ERP44: variants seen among roughly 807,000 people sequenced by gnomAD.
ERP44 encodes the protein endoplasmic reticulum resident protein 44.
A neutral mutation model predicts 53.4 loss-of-function variants in ERP44; 25 were observed. That is an observed-to-expected ratio of 0.47 (90% CI 0.34 to 0.65). The LOEUF is 0.65. ERP44 is among the 30% of genes least tolerant of loss of function. The probability of loss-of-function intolerance (pLI) is 0.01; values close to 1 mark genes in which losing one functional copy is unlikely to be tolerated. For synonymous variants in ERP44, 145 were observed against 161.2 expected (o/e 0.90, Z 0.76); for missense variants, 338 against 493.2 (o/e 0.69, Z 2.98).
chr9:99,994,987 C>G (rs1056479752), intron 10 of ERP44, among the ~76,000 whole-genome samples: 9 of 152,092 alleles, frequency 5.9e-5, no homozygotes, highest in African/African-American at 2.2e-4. Flanking sequence ...TATACTTCCT[C>G]GTTTATTTTG....
intron 4 of ERP44, among the ~76,000 whole-genome samples, chr9:100,048,045 AC>A (rs1454053647): frequency 6.6e-6 from 1 of 152,070 alleles, no homozygotes; most frequent in Non-Finnish European, 1.5e-5. Context: ...ACCATCTCAC[AC>A]CCATTAGTAT....
At chr9:100,003,237 T>A (rs1391198029) in intron 10 of ERP44, among the ~76,000 whole-genome samples, 1 of 152,242 alleles carries the variant, frequency 6.6e-6, no homozygotes, top group African/African-American at 2.4e-5. Flanking sequence ...TTGAAGTTCA[T>A]GGATGTTACT....
In ERP44 at chr9:100,098,960, C is replaced by A; in HGVS notation, c.-120G>T. On this transcript the variant is annotated 5_prime_UTR_variant, in exon 1 of 12. Transcript: ENST00000262455. The stretch of plus-strand genomic sequence containing the variant: ...CGGCAGCGGAGGATTCTCCAGGCAG[C>A]GGCACCTCGTCCTCTCGACCCGGGC... 1.3e-6 allele frequency: 1 copy of A among 754,494 alleles called. No individual in the cohort carries two copies. The highest frequency in any genetic ancestry group is 2.4e-5 in the Admixed American group (1 of 41,778). 46.7% of individuals were successfully genotyped at this position (754,494 alleles called of 1,614,324 possible). A position where few individuals can be genotyped will look rare whatever the true frequency, so the allele number is the denominator to read the frequency against.
intron 8 of ERP44, among the ~76,000 whole-genome samples, chr9:100,012,677 G>A (rs929762180): frequency 1.3e-5 from 2 of 152,058 alleles, no homozygotes; most frequent in Non-Finnish European, 2.9e-5. Context: ...TTATTTTTAT[G>A]TACTAAAATG....
intron 1 of ERP44, 36 bp from the exon 2 acceptor site, chr9:100,060,208 T>A: frequency 1.4e-6 from 2 of 1,427,824 alleles, no homozygotes; most frequent in East Asian, 2.7e-5. Flanking sequence ...AATAAATGTG[T>A]CCACAAAAGA....
intron 4 of ERP44, among the ~76,000 whole-genome samples, chr9:100,035,748 C>T (rs1453401243): frequency 2.0e-5 from 3 of 152,086 alleles, no homozygotes; most frequent in South Asian, 2.1e-4. Context: ...TGTGAACAGA[C>T]ACTTTTCAAA....
Position 100,088,879 on chromosome 9 carries a change from G to A in ERP44, c.57+9905C>T, listed in dbSNP as rs138538228. ...GATCATTAAGGGAAAGAAATACTTCGAATATTCCAGAAGATATCCTAAAAC... is the reference window on the plus strand; with the variant it reads ...GATCATTAAGGGAAAGAAATACTTCAAATATTCCAGAAGATATCCTAAAAC... On this transcript the variant is annotated intron_variant, in intron 1 of 11. Coordinates refer to ENST00000262455, the MANE Select transcript of ERP44 (RefSeq NM_015051.3). Among the ~76,000 whole-genome samples the A allele has an allele frequency of 3.6e-3, 552 of 152,142 alleles. 3 individuals carry two copies. Among genetic ancestry groups the A allele is most frequent in the African/African-American group, 0.012 (515 of 41,502 alleles).
intron 8 of ERP44, among the ~76,000 whole-genome samples, chr9:100,012,253 G>C (rs991340539): frequency 1.3e-5 from 2 of 152,114 alleles, no homozygotes; most frequent in African/African-American, 4.8e-5. Context: ...CAATGAATTT[G>C]CATATCTATT....
intron 10 of ERP44, among the ~76,000 whole-genome samples, chr9:99,999,860 C>T (rs1037630371): frequency 3.9e-5 from 6 of 152,034 alleles, no homozygotes; most frequent in South Asian, 2.1e-4. Context: ...GTATACGGGG[C>T]GAGATGAGGG....
At chr9:100,068,402 G>T (rs1412450347) in intron 1 of ERP44, among the ~76,000 whole-genome samples, 1 of 45,462 alleles carries the variant, frequency 2.2e-5, no homozygotes, top group Non-Finnish European at 4.9e-5. Flanking sequence ...CCCCCTGCCC[G>T]GCCAGCCGCC....
At chr9:100,082,020 G>A (rs892211813) in intron 1 of ERP44, among the ~76,000 whole-genome samples, 1 of 151,710 alleles carries the variant, frequency 6.6e-6, no homozygotes, top group African/African-American at 2.4e-5. Flanking sequence ...AACAACTAGA[G>A]TATATAATAG....
At chr9:100,068,401 C>G (rs1172177791) in intron 1 of ERP44, among the ~76,000 whole-genome samples, 1 of 100,600 alleles carries the variant, frequency 9.9e-6, no homozygotes, top group Admixed American at 9.8e-5. Flanking sequence ...GCCCCCTGCC[C>G]GGCCAGCCGC....
intron 1 of ERP44, among the ~76,000 whole-genome samples, chr9:100,067,969 T>G (rs1263192322): frequency 2.7e-5 from 4 of 148,436 alleles, no homozygotes; most frequent in African/African-American, 7.6e-5. Flanking sequence ...AGCCACCCCG[T>G]CCGGGAGGGA....
chr9:100,052,743 A>C (rs1361091408), intron 3 of ERP44, among the ~76,000 whole-genome samples: 2 of 152,226 alleles, frequency 1.3e-5, no homozygotes, highest in African/African-American at 4.8e-5. Flanking sequence ...AGAATGTATA[A>C]TAGATTTTGG....
chr9:100,092,361 A>C (rs7849609), intron 1 of ERP44, among the ~76,000 whole-genome samples: 2,890 of 152,364 alleles, frequency 0.019, 83 homozygotes, highest in African/African-American at 0.066. Context: ...ATAAGTCTAT[A>C]ATCAGTAGGA....
chr9:100,000,434 T>C (rs55813162), intron 10 of ERP44, among the ~76,000 whole-genome samples: 1,835 of 69,058 alleles, frequency 0.027, 34 homozygotes, highest in African/African-American at 0.14. Context: ...AGATCCTGTA[T>C]CAAAAAAAAA....
intron 4 of ERP44, among the ~76,000 whole-genome samples, chr9:100,043,706 G>T (rs899890345): frequency 6.6e-6 from 1 of 151,818 alleles, no homozygotes; most frequent in African/African-American, 2.4e-5. Flanking sequence ...AGTGAGCTGA[G>T]AACGCGCCAC....
At chr9:100,088,238 A>C (rs1456701297) in intron 1 of ERP44, among the ~76,000 whole-genome samples, 1 of 152,266 alleles carries the variant, frequency 6.6e-6, no homozygotes, top group African/African-American at 2.4e-5. Context: ...AGTAAGGGCA[A>C]GTACACTTTT....
intron 4 of ERP44, among the ~76,000 whole-genome samples, chr9:100,029,508 A>G (rs142393219): frequency 6.6e-6 from 1 of 152,340 alleles, no homozygotes; most frequent in African/African-American, 2.4e-5. Context: ...ATTAACAAAA[A>G]TGTGAAAATA....
Sources: allele counts gnomAD v4.1 joint callset (sites outside exome capture counted in the v4.1 genomes callset), GRCh38; gene constraint gnomAD v4.1.1; transcripts MANE v1.5; gene names NCBI Gene and HGNC (gene_info 2026-07-23, HGNC 2026-07-21).